The following UBE2QL1 variants were observed in gnomAD, a reference collection of about 807,000 sequenced individuals.
UBE2QL1 encodes ubiquitin-conjugating enzyme E2Q-like protein 1.
In UBE2QL1, 5 loss-of-function variants were observed where a neutral mutation model predicts 12.6. The observed-to-expected ratio is 0.40, with a 90% CI of 0.21 to 0.83. UBE2QL1 has a LOEUF of 0.83. Among genes scored for constraint, UBE2QL1 ranks in the 40% least tolerant of loss-of-function variants. UBE2QL1 has a pLI of 0.37. For synonymous variants in UBE2QL1, 96 were observed against 94.5 expected, an observed-to-expected ratio of 1.02 and a Z score of -0.10; for missense variants, 99 against 222.6, an observed-to-expected ratio of 0.44 and a Z score of 3.53.
chr5:6,480,884 A>G (rs1189665375), intron 1 of UBE2QL1, among the ~76,000 whole-genome samples: 2 of 152,100 alleles, frequency 1.3e-5, no homozygotes, highest in Non-Finnish European at 2.9e-5. Flanking sequence ...GGCATTTCCT[A>G]ATACCCTGCT....
At chr5:6,477,832 G>T (rs1232915399) in intron 1 of UBE2QL1, among the ~76,000 whole-genome samples, 1 of 152,210 alleles carries the variant, frequency 6.6e-6, no homozygotes, top group African/African-American at 2.4e-5. Context: ...GGCTGTTCCA[G>T]GAGGTTTCAT....
chr5:6,449,390 G>T, intron 1 of UBE2QL1, 143 bp downstream of exon 1: 1 of 801,430 alleles, frequency 1.2e-6, no homozygotes, highest in Non-Finnish European at 1.7e-6. Flanking sequence ...GCGCCCCACG[G>T]GGATGCTCCG....
At chr5:6,455,105 T>G (rs1739492278) in intron 1 of UBE2QL1, among the ~76,000 whole-genome samples, 1 of 152,180 alleles carries the variant, frequency 6.6e-6, no homozygotes, top group Non-Finnish European at 1.5e-5. Context: ...GGTTGTAGTG[T>G]ATTTTTGTAT....
At chr5:6,486,085 G>A (rs1472067146) in intron 1 of UBE2QL1, among the ~76,000 whole-genome samples, 1 of 152,164 alleles carries the variant, frequency 6.6e-6, no homozygotes, top group Admixed American at 6.5e-5. Flanking sequence ...TTCACCCTGT[G>A]CCTGGCATTG....
intron 1 of UBE2QL1, among the ~76,000 whole-genome samples, chr5:6,470,156 A>T (rs937245192): frequency 6.6e-6 from 1 of 152,172 alleles, no homozygotes; most frequent in African/African-American, 2.4e-5. Flanking sequence ...TAAATGAAGG[A>T]TGGACCCCTG....
In UBE2QL1 at chr5:6,476,550, G is replaced by A. The variant is rs1036025391; in HGVS notation, c.355-14668G>A. On this transcript the variant is annotated intron_variant, in intron 1 of 1. Transcript: ENST00000399816. This position sits in a 1 kb window ranked among gnomAD's most constrained non-coding sequence, Gnocchi z 4.9. ...CAAAACGGAAACACCTGGGGGGCTC[G>A]GTTAAAGAGCCACATGCGGCACCCC... Among the ~76,000 whole-genome samples the A allele has an allele frequency of 6.6e-5, 10 of 152,056 alleles. No individual in the cohort carries two copies. Among genetic ancestry groups the A allele is most frequent in the African/African-American group, 2.2e-4 (9 of 41,408 alleles).
rs1179160707 is a variant in UBE2QL1 at position 6,493,565 on chromosome 5, G to A, written c.*2216G>A. Reference sequence around the variant, plus strand: ...AGAGCAGAGAGACACTCAGCTCAGTGTCGCTCCTTCCATACACTCAGAGTT... The same window carrying A: ...AGAGCAGAGAGACACTCAGCTCAGTATCGCTCCTTCCATACACTCAGAGTT... On this transcript the variant is annotated 3_prime_UTR_variant, in exon 2 of 2. Transcript: ENST00000399816. 3 of 152,196 alleles carry A rather than the reference G, an allele frequency of 2.0e-5. No homozygotes were observed. Among genetic ancestry groups the A allele is most frequent in the African/African-American group, 7.2e-5 (3 of 41,450 alleles). 9.4% of individuals were successfully genotyped at this position (152,196 alleles called of 1,614,324 possible). A position where few individuals can be genotyped will look rare whatever the true frequency, so the allele number is the denominator to read the frequency against.
chr5:6,466,167 G>A (rs373438697), intron 1 of UBE2QL1, among the ~76,000 whole-genome samples: 1 of 152,174 alleles, frequency 6.6e-6, no homozygotes, highest in African/African-American at 2.4e-5. Flanking sequence ...CGTCTTCACG[G>A]TGGAACTAGC....
rs929678127 is a variant in UBE2QL1 at position 6,479,550 on chromosome 5, C to T, written c.355-11668C>T. On this transcript the variant is annotated intron_variant, in intron 1 of 1. Transcript: ENST00000399816. The surrounding 1 kb of genome is among the most constrained non-coding windows in gnomAD (Gnocchi z 4.2). The stretch of plus-strand genomic sequence containing the variant: ...ATGAAGAGGTGCTGATGTCTGTATC[C>T]TCCGGTGAGTCTGTCCATCATAAAA... Among the ~76,000 whole-genome samples, 12 of 152,134 alleles carry T rather than the reference C, an allele frequency of 7.9e-5. No homozygotes were observed. Among genetic ancestry groups the T allele is most frequent in the African/African-American group, 2.9e-4 (12 of 41,430 alleles).
intron 1 of UBE2QL1, among the ~76,000 whole-genome samples, chr5:6,472,122 C>T (rs1037332946): frequency 4.6e-5 from 7 of 152,174 alleles, no homozygotes; most frequent in Non-Finnish European, 8.8e-5. Context: ...AGTTATTTCA[C>T]CCAGAACTTG....
chr5:6,456,995 G>T (rs1010556650), intron 1 of UBE2QL1, among the ~76,000 whole-genome samples: 3 of 151,590 alleles, frequency 2.0e-5, no homozygotes, highest in African/African-American at 7.3e-5. Flanking sequence ...TGCCTCGTGG[G>T]TGCCTGTCCT....
intron 1 of UBE2QL1, among the ~76,000 whole-genome samples, chr5:6,456,379 G>A (rs1407589402): frequency 2.0e-5 from 3 of 152,192 alleles, no homozygotes; most frequent in African/African-American, 7.2e-5. Flanking sequence ...ACTTAAGGGT[G>A]ATTGAGACTC....
At chr5:6,472,153 C>T (rs1010026967) in intron 1 of UBE2QL1, among the ~76,000 whole-genome samples, 1 of 152,182 alleles carries the variant, frequency 6.6e-6, no homozygotes, top group African/African-American at 2.4e-5. Context: ...CCGGCTGTGT[C>T]ACTGTGTGTG....
At chr5:6,487,382 A>G (rs1480852335) in intron 1 of UBE2QL1, among the ~76,000 whole-genome samples, 4 of 152,202 alleles carry the variant, frequency 2.6e-5, no homozygotes, top group Non-Finnish European at 5.9e-5. Flanking sequence ...TCTGTATTAC[A>G]ATGAGACTTT....
At chr5:6,456,426 T>C (rs1156484173) in intron 1 of UBE2QL1, among the ~76,000 whole-genome samples, 3 of 152,216 alleles carry the variant, frequency 2.0e-5, no homozygotes, top group Non-Finnish European at 4.4e-5. Flanking sequence ...CAGTGTTTTT[T>C]GGAATACGGT....
chr5:6,449,272 G>C (rs1473877522), intron 1 of UBE2QL1, 25 bp downstream of exon 1: 33 of 1,356,080 alleles, frequency 2.4e-5, no homozygotes, highest in Non-Finnish European at 3.0e-5. Context: ...CCGGGGCTGG[G>C]GGCGCGGGGC....
At position 6,449,868 on chromosome 5, in the gene UBE2QL1, A is replaced by ACCCCCCCCC. The variant is rs5865654; in HGVS notation, c.354+629_354+630insCCCCCCCCC. 2.6e-5 allele frequency among the ~76,000 whole-genome samples: 3 copies of ACCCCCCCCC among 117,178 alleles called. 1 individual carries two copies. Among genetic ancestry groups the ACCCCCCCCC allele is most frequent in the Non-Finnish European group, 1.8e-5 (1 of 56,908 alleles). 76.9% of individuals were successfully genotyped at this position (117,178 alleles called of 152,430 possible). On this transcript the variant is annotated intron_variant, in intron 1 of 1. Coordinates refer to ENST00000399816, the MANE Select transcript of UBE2QL1 (RefSeq NM_001145161.3). ...ACCTAGCTGATCTCCCACCTCCCCA[A>ACCCCCCCCC]CCCCCCCCACACACACACACACAAG...
chr5:6,491,086 T>A, intron 1 of UBE2QL1, 132 bp from the exon 2 acceptor site: 3 of 1,032,110 alleles, frequency 2.9e-6, no homozygotes, highest in Non-Finnish European at 4.1e-6. Context: ...GCCCCCACCC[T>A]GCTGGTGGCC....
chr5:6,461,536 A>ACCCCCCCC (rs1489545549), intron 1 of UBE2QL1, among the ~76,000 whole-genome samples: 6 of 36,224 alleles, frequency 1.7e-4, no homozygotes, highest in Admixed American at 7.0e-4. Context: ...GTTTTTCAGC[A>ACCCCCCCC]CCCACCACCC....
Sources: allele counts gnomAD v4.1 joint callset (sites outside exome capture counted in the v4.1 genomes callset), GRCh38; gene constraint gnomAD v4.1.1; non-coding constraint Gnocchi (gnomAD v3.1); transcripts MANE v1.5; gene names NCBI Gene and HGNC (gene_info 2026-07-23, HGNC 2026-07-21).